KCNT2: variants seen among roughly 807,000 people sequenced by gnomAD.
The protein encoded by KCNT2 is potassium sodium-activated channel subfamily T member 2.
Under a neutral mutation model 153.8 loss-of-function variants are expected in KCNT2, and 67 were observed. The ratio of observed to expected loss-of-function variants is 0.44; its 90% CI spans 0.36 to 0.53. KCNT2 has a LOEUF of 0.53. Among genes scored for constraint, KCNT2 ranks in the 20% least tolerant of loss-of-function variants. The pLI is 0.00. For synonymous variants in KCNT2, 500 were observed against 458.8 expected (o/e 1.09, Z -1.15); for missense variants, 975 against 1,354.8 (o/e 0.72, Z 4.40).
At chr1:196,558,803 A>G (rs551556459) in intron 1 of KCNT2, among the ~76,000 whole-genome samples, 1 of 151,690 alleles carries the variant, frequency 6.6e-6, no homozygotes, top group Admixed American at 6.6e-5. Context: ...CCTGAAAAAT[A>G]CACATTAAAT....
At chr1:196,523,106 C>T (rs983308174) in intron 1 of KCNT2, among the ~76,000 whole-genome samples, 1 of 152,210 alleles carries the variant, frequency 6.6e-6, no homozygotes, top group Non-Finnish European at 1.5e-5. Context: ...AGCTTCACTC[C>T]TGAAGTCAGC....
intron 8 of KCNT2, among the ~76,000 whole-genome samples, chr1:196,464,728 T>C (rs748822552): frequency 1.3e-5 from 2 of 151,998 alleles, no homozygotes; most frequent in Non-Finnish European, 2.9e-5. Context: ...TACTCTATAA[T>C]TGTCAAAGTG....
At chr1:196,276,185 A>G (rs1658551497) in intron 25 of KCNT2, among the ~76,000 whole-genome samples, 1 of 151,918 alleles carries the variant, frequency 6.6e-6, no homozygotes, top group African/African-American at 2.4e-5. Flanking sequence ...TGCCCTCATC[A>G]TCTCAAAATA....
intron 7 of KCNT2, among the ~76,000 whole-genome samples, chr1:196,466,091 G>A (rs910403232): frequency 6.6e-6 from 1 of 151,954 alleles, no homozygotes; most frequent in East Asian, 1.9e-4. Context: ...GGCGAAAAGA[G>A]ATATGGAAAT....
intron 26 of KCNT2, among the ~76,000 whole-genome samples, chr1:196,252,232 T>C (rs888203738): frequency 5.3e-5 from 8 of 151,730 alleles, no homozygotes; most frequent in Non-Finnish European, 1.2e-4. Context: ...TGTAGTTCCT[T>C]TAGGTCATAG....
intron 1 of KCNT2, among the ~76,000 whole-genome samples, chr1:196,538,348 C>A (rs1655888028): frequency 6.6e-6 from 1 of 152,192 alleles, no homozygotes; most frequent in Non-Finnish European, 1.5e-5. Context: ...TGGGGATCCT[C>A]TTCATGAAAT....
At chr1:196,255,338 GC>G (rs1656381895) in intron 26 of KCNT2, among the ~76,000 whole-genome samples, 1 of 151,658 alleles carries the variant, frequency 6.6e-6, no homozygotes, top group Non-Finnish European at 1.5e-5. Flanking sequence ...GATGTGACTT[GC>G]CAAAGAACAC....
chr1:196,418,985 T>A (rs1317132117), intron 12 of KCNT2, among the ~76,000 whole-genome samples: 1 of 152,002 alleles, frequency 6.6e-6, no homozygotes, highest in Non-Finnish European at 1.5e-5. Flanking sequence ...ACTGAGAGCC[T>A]GCTGTTTAGG....
intron 14 of KCNT2, among the ~76,000 whole-genome samples, chr1:196,344,386 C>A (rs1374774689): frequency 6.6e-6 from 1 of 152,084 alleles, no homozygotes; most frequent in Non-Finnish European, 1.5e-5. Context: ...AGTAGGAAAA[C>A]AACAACATAA....
chr1:196,354,034 T>C (rs1407113769), intron 14 of KCNT2, among the ~76,000 whole-genome samples: 1 of 151,958 alleles, frequency 6.6e-6, no homozygotes, highest in African/African-American at 2.4e-5. Context: ...ATTATACTGA[T>C]GACTTCCTAC....
chr1:196,329,630 A>G (rs556619850), intron 18 of KCNT2, among the ~76,000 whole-genome samples: 4 of 151,500 alleles, frequency 2.6e-5, no homozygotes, highest in Non-Finnish European at 5.9e-5. Flanking sequence ...TAACAACAAT[A>G]TTATAAATAA....
chr1:196,247,832 T>A (rs1334552420), intron 26 of KCNT2, among the ~76,000 whole-genome samples: 1 of 152,152 alleles, frequency 6.6e-6, no homozygotes, highest in Non-Finnish European at 1.5e-5. Flanking sequence ...TTTCATCCAA[T>A]GGCTGCACAG....
At chr1:196,411,059 CTCCTTCCTTCCTTCCTTCCT>C (rs147825662) in intron 12 of KCNT2, among the ~76,000 whole-genome samples, 44,171 of 94,538 alleles carry the variant, frequency 0.47, 11,995 homozygotes, top group Middle Eastern at 0.58. Flanking sequence ...CCTCTATTCC[CTCCTTCCTTCCTTCCTTCCT>C]TCCTTCCTTC....
At chr1:196,346,051 A>G (rs1031950676) in intron 14 of KCNT2, among the ~76,000 whole-genome samples, 4 of 152,152 alleles carry the variant, frequency 2.6e-5, no homozygotes, top group Non-Finnish European at 5.9e-5. Flanking sequence ...AATCTGGAAT[A>G]CTAGGTACAT....
chr1:196,470,854 A>C (rs991110196), intron 5 of KCNT2, among the ~76,000 whole-genome samples: 3 of 146,132 alleles, frequency 2.1e-5, no homozygotes, highest in Non-Finnish European at 4.5e-5. Flanking sequence ...TTTTGCATAT[A>C]TTGACCCTAA....
chr1:196,435,933 C>CT (rs1463038958), intron 8 of KCNT2, among the ~76,000 whole-genome samples: 1 of 151,646 alleles, frequency 6.6e-6, no homozygotes, highest in Non-Finnish European at 1.5e-5. Context: ...TTTGCACTAG[C>CT]TTATCACATC....
At chr1:196,321,319 C>T (rs971093521) in intron 19 of KCNT2, among the ~76,000 whole-genome samples, 2 of 151,802 alleles carry the variant, frequency 1.3e-5, no homozygotes, top group African/African-American at 2.4e-5. Context: ...TGGGCTGTTG[C>T]GGTGATCTGA....
At position 196,537,486 on chromosome 1, in the gene KCNT2, C is replaced by G. The variant is rs145324295; in HGVS notation, c.96-45145G>C. On this transcript the variant is annotated intron_variant, in intron 1 of 27. Transcript: ENST00000294725. The stretch of plus-strand genomic sequence containing the variant: ...TATCTGCACTATTATCTACCAGTGC[C>G]AGCACTCGTGGTATGTTGGTGGTGG... Among the ~76,000 whole-genome samples the G allele has an allele frequency of 3.1e-3, 465 of 152,252 alleles. 1 individual carries two copies. Among genetic ancestry groups the G allele is most frequent in the African/African-American group, 0.011 (442 of 41,538 alleles).
At chr1:196,549,024 G>A (rs1167340759) in intron 1 of KCNT2, among the ~76,000 whole-genome samples, 1 of 151,866 alleles carries the variant, frequency 6.6e-6, no homozygotes, top group East Asian at 2.0e-4. Flanking sequence ...GGAGGGAGGA[G>A]GGATAGCATT....
Sources: allele counts gnomAD v4.1 joint callset (sites outside exome capture counted in the v4.1 genomes callset), GRCh38; gene constraint gnomAD v4.1.1; transcripts MANE v1.5; gene names NCBI Gene and HGNC (gene_info 2026-07-23, HGNC 2026-07-21).